Variants in SPAG16 observed in about 807,000 individuals in gnomAD.
SPAG16 encodes the protein sperm associated antigen 16.
SPAG16 carries 86 observed loss-of-function variants against 80.4 expected under a neutral mutation model. That is an observed-to-expected ratio of 1.07 (90% CI 0.90 to 1.28). The LOEUF (loss-of-function observed/expected upper bound fraction) is 1.28, where lower values mean the gene tolerates loss of function less well. SPAG16 is among the 50% of genes most tolerant of loss of function. The probability of loss-of-function intolerance (pLI) is 0.00; values close to 1 mark genes in which losing one functional copy is unlikely to be tolerated. For missense variants in SPAG16, 870 were observed against 765.3 expected, an observed-to-expected ratio of 1.14 and a Z score of -1.61; for synonymous variants, 294 against 265.9, an observed-to-expected ratio of 1.11 and a Z score of -1.03.
At chr2:213,645,603 TGTCTGACCTG>T (rs1304184154) in intron 10 of SPAG16, among the ~76,000 whole-genome samples, 6 of 152,128 alleles carry the variant, frequency 3.9e-5, no homozygotes, top group African/African-American at 1.2e-4. Context: ...TATCCTATTG[TGTCTGACCTG>T]GTATCCAAGA....
chr2:213,387,431 CTTTTTTTTTTTTTT>C (rs71060428), intron 9 of SPAG16, among the ~76,000 whole-genome samples: 1 of 47,898 alleles, frequency 2.1e-5, no homozygotes, highest in Non-Finnish European at 3.2e-5. Flanking sequence ...AATGCATGCT[CTTTTTTTTTTTTTT>C]TTTTTTTTTT....
intron 9 of SPAG16, among the ~76,000 whole-genome samples, chr2:213,419,285 T>G (rs1026864699): frequency 6.6e-6 from 1 of 152,228 alleles, no homozygotes; most frequent in Non-Finnish European, 1.5e-5. Context: ...TAACTTTCAT[T>G]TCTCAGGACC....
At chr2:214,151,728 A>T (rs748213487) in intron 15 of SPAG16, among the ~76,000 whole-genome samples, 11 of 151,716 alleles carry the variant, frequency 7.3e-5, no homozygotes, top group Non-Finnish European at 1.2e-4. Context: ...AGTTATATAC[A>T]CCTAGCGTGT....
intron 14 of SPAG16, among the ~76,000 whole-genome samples, chr2:214,127,791 C>T (rs538895738): frequency 2.8e-4 from 42 of 151,974 alleles, no homozygotes; most frequent in African/African-American, 9.4e-4. Flanking sequence ...GAAAGCTTGT[C>T]TGGGTGATAC....
At chr2:213,422,664 C>T in intron 9 of SPAG16, 1 of 245,604 alleles carries the variant, frequency 4.1e-6, no homozygotes. Context: ...ACTCTCCTTC[C>T]CTCCCACCCT....
intron 14 of SPAG16, among the ~76,000 whole-genome samples, chr2:214,122,577 A>G (rs980137385): frequency 1.3e-5 from 2 of 151,926 alleles, no homozygotes; most frequent in African/African-American, 2.4e-5. Flanking sequence ...GCCATTTTAT[A>G]TAAAGAAATG....
At chr2:214,130,708 C>A (rs780126975) in intron 14 of SPAG16, among the ~76,000 whole-genome samples, 1 of 152,130 alleles carries the variant, frequency 6.6e-6, no homozygotes, top group Non-Finnish European at 1.5e-5. Context: ...ACACCAAGGG[C>A]CTATAAGACA....
At chr2:213,898,851 T>C (rs1001493100) in intron 11 of SPAG16, among the ~76,000 whole-genome samples, 3 of 152,082 alleles carry the variant, frequency 2.0e-5, no homozygotes, top group Non-Finnish European at 4.4e-5. Flanking sequence ...ATCTTATCAA[T>C]AGAAATTCAA....
chr2:213,682,693 G>A (rs2125266047), intron 10 of SPAG16, among the ~76,000 whole-genome samples: 1 of 152,088 alleles, frequency 6.6e-6, no homozygotes, highest in Non-Finnish European at 1.5e-5. Context: ...GGTTGGAGTG[G>A]AGGTTATCTC....
At chr2:213,624,006 T>C (rs571991854) in intron 10 of SPAG16, among the ~76,000 whole-genome samples, 58 of 152,280 alleles carry the variant, frequency 3.8e-4, no homozygotes, top group African/African-American at 1.3e-3. Flanking sequence ...TACATGGGGC[T>C]TAATTAGTAA....
At chr2:213,299,283 T>C (rs2062626980) in intron 3 of SPAG16, among the ~76,000 whole-genome samples, 1 of 152,074 alleles carries the variant, frequency 6.6e-6, no homozygotes, top group Middle Eastern at 3.4e-3. Context: ...GACATTTAAA[T>C]ACATTCTTGT....
chr2:214,150,011 C>A (rs982198469), intron 15 of SPAG16, among the ~76,000 whole-genome samples: 2 of 151,876 alleles, frequency 1.3e-5, no homozygotes, highest in African/African-American at 4.8e-5. Flanking sequence ...TATTGTGATA[C>A]ATGTTTTAAA....
intron 15 of SPAG16, among the ~76,000 whole-genome samples, chr2:214,235,029 A>G (rs1183175082): frequency 6.6e-6 from 1 of 152,184 alleles, no homozygotes; most frequent in Admixed American, 6.5e-5. Flanking sequence ...ATTCTTTCAA[A>G]TTATGACCCT....
chr2:214,008,006 C>T (rs138073449), intron 12 of SPAG16, among the ~76,000 whole-genome samples: 1 of 152,068 alleles, frequency 6.6e-6, no homozygotes. Flanking sequence ...CACAATTATA[C>T]TTATGTTAGA....
Position 214,347,741 on chromosome 2 carries a change from T to C in SPAG16, c.1721-62399T>C, listed in dbSNP as rs983995967. Among the ~76,000 whole-genome samples the C allele has an allele frequency of 3.3e-5, 5 of 152,298 alleles. No individual in the cohort carries two copies. In the East Asian group the frequency reaches 9.6e-4, roughly 29 times the overall value. ...TAATGGAGTAGCTCATAAATTGATA[T>C]ATAAGCAACCTAAAGGAATTATATC... On this transcript the variant is annotated intron_variant, in intron 15 of 15. Transcript: ENST00000331683.
intron 10 of SPAG16, among the ~76,000 whole-genome samples, chr2:213,645,446 A>C (rs1361137591): frequency 6.6e-6 from 1 of 152,098 alleles, no homozygotes; most frequent in African/African-American, 2.4e-5. Flanking sequence ...TCAGGGACTA[A>C]GGAATCTTAG....
chr2:214,218,992 C>T (rs1478120278), intron 15 of SPAG16, among the ~76,000 whole-genome samples: 1 of 152,130 alleles, frequency 6.6e-6, no homozygotes. Context: ...AATCCAACTA[C>T]TATTCTTGGA....
intron 5 of SPAG16, among the ~76,000 whole-genome samples, chr2:213,337,901 A>G (rs1488311209): frequency 6.6e-6 from 1 of 152,102 alleles, no homozygotes; most frequent in Non-Finnish European, 1.5e-5. Context: ...GAGAAGATCA[A>G]GCAAAAGACA....
intron 10 of SPAG16, among the ~76,000 whole-genome samples, chr2:213,763,102 G>C (rs769762134): frequency 5.9e-5 from 9 of 152,106 alleles, no homozygotes; most frequent in Non-Finnish European, 1.5e-5. Flanking sequence ...ACACATGTTA[G>C]GATGGCTGTT....
Sources: allele counts gnomAD v4.1 joint callset (sites outside exome capture counted in the v4.1 genomes callset), GRCh38; gene constraint gnomAD v4.1.1; transcripts MANE v1.5; gene names NCBI Gene and HGNC (gene_info 2026-07-23, HGNC 2026-07-21).